The following SEMA3C variants were observed in gnomAD, a reference collection of about 807,000 sequenced individuals.
SEMA3C encodes the protein semaphorin 3C.
A neutral mutation model predicts 89.4 loss-of-function variants in SEMA3C; 47 were observed. The ratio of observed to expected loss-of-function variants is 0.53; its 90% confidence interval spans 0.42 to 0.67. SEMA3C has a LOEUF of 0.67. SEMA3C is among the 30% of genes least tolerant of loss of function. The pLI, the probability that SEMA3C is intolerant of heterozygous loss-of-function variation, is 0.00. For missense variants in SEMA3C, 839 were observed against 929.1 expected, an observed-to-expected ratio of 0.90 and a Z score of 1.26; for synonymous variants, 310 against 320.2, an observed-to-expected ratio of 0.97 and a Z score of 0.34.
At chr7:80,824,563 G>C (rs1257770045) in intron 4 of SEMA3C, among the ~76,000 whole-genome samples, 1 of 152,152 alleles carries the variant, frequency 6.6e-6, no homozygotes, top group Non-Finnish European at 1.5e-5. Context: ...AAGGTTAACA[G>C]AAGTTCTAAT....
chr7:80,914,231 T>C (rs1414805593), intron 2 of SEMA3C, among the ~76,000 whole-genome samples: 1 of 152,204 alleles, frequency 6.6e-6, no homozygotes, highest in Non-Finnish European at 1.5e-5. Flanking sequence ...TGTATTTAAA[T>C]ATATACTCTT....
chr7:80,746,607 A>C (rs1437064380), intron 17 of SEMA3C, among the ~76,000 whole-genome samples: 1 of 151,976 alleles, frequency 6.6e-6, no homozygotes, highest in African/African-American at 2.4e-5. Flanking sequence ...ACAAGAAATT[A>C]CCTAACAAAT....
intron 12 of SEMA3C, among the ~76,000 whole-genome samples, chr7:80,785,172 T>C (rs1419460789): frequency 2.6e-5 from 4 of 152,188 alleles, no homozygotes; most frequent in East Asian, 3.8e-4. Context: ...GATAATGGTA[T>C]TGGGCTAACT....
Position 80,751,335 on chromosome 7 carries a change from T to A in SEMA3C, c.1645A>T (p.Arg549Trp). ...CSRFYPTGKR[R>W]SRRQDVRHGN... is the part of the protein sequence containing the mutation. ...TGTCTCACATCTTGTCTTCGGCTCC[T>A]CCTGCAAGTGCAGAAATACATAAAA... Residue 549 changes from arginine to tryptophan, a missense_variant and splice_region_variant, in exon 16 of 18, where the codon AGG (arginine) becomes TGG (tryptophan). By Grantham distance (101) the Arg-to-Trp change is moderately radical. Transcript: ENST00000265361. 1 of 1,613,584 alleles carries A rather than the reference T, an allele frequency of 6.2e-7. No homozygotes were observed. The highest frequency in any genetic ancestry group is 8.5e-7 in the Non-Finnish European group (1 of 1,179,554).
At position 80,919,036 on chromosome 7, in the gene SEMA3C, T is replaced by C. The variant is rs1417769289; in HGVS notation, c.-247A>G. The C allele has an allele frequency of 8.1e-6, 8 of 985,186 alleles. No individual in the cohort carries two copies. The highest frequency in any genetic ancestry group is 9.6e-6 in the Non-Finnish European group (8 of 829,882). The allele number at this position is 985,186 out of a possible 1,614,324, so 61.0% of individuals were successfully genotyped here. A position where few individuals can be genotyped will look rare whatever the true frequency, so the allele number is the denominator to read the frequency against. The stretch of plus-strand genomic sequence containing the variant: ...CGGAGCTCTTCTCCGCGTCGCTCAA[T>C]CAAGCACCTCGGAGTGAATGGAAAG... On this transcript the variant is annotated 5_prime_UTR_variant, in exon 1 of 18. Coordinates refer to ENST00000265361, the MANE Select transcript of SEMA3C (RefSeq NM_006379.5).
chr7:80,809,326 G>C (rs17154474), intron 6 of SEMA3C, among the ~76,000 whole-genome samples: 2,127 of 152,138 alleles, frequency 0.014, 63 homozygotes, highest in Admixed American at 0.068. Context: ...CGTGCACTTT[G>C]TTCATCTTTC....
upstream of SEMA3C, chr7:80,919,066 C>G: frequency 1.0e-6 from 1 of 985,258 alleles, no homozygotes; most frequent in Non-Finnish European, 1.2e-6. Context: ...GGAAAGTGGC[C>G]GGAGGCCGGG....
intron 4 of SEMA3C, among the ~76,000 whole-genome samples, chr7:80,826,844 C>A (rs1206600350): frequency 1.3e-5 from 2 of 152,094 alleles, no homozygotes; most frequent in Admixed American, 6.6e-5. Flanking sequence ...TTGTAGAAAT[C>A]AATATAGATT....
At chr7:80,777,470 T>G (rs1788577434) in intron 12 of SEMA3C, among the ~76,000 whole-genome samples, 1 of 152,152 alleles carries the variant, frequency 6.6e-6, no homozygotes, top group Non-Finnish European at 1.5e-5. Flanking sequence ...TTTTGTATTT[T>G]TAGTAGAGAC....
chr7:80,875,352 T>C (rs1391586292), intron 2 of SEMA3C, among the ~76,000 whole-genome samples: 1 of 152,110 alleles, frequency 6.6e-6, no homozygotes, highest in African/African-American at 2.4e-5. Context: ...TTACTTCCAT[T>C]TGCTATATTA....
intron 2 of SEMA3C, among the ~76,000 whole-genome samples, chr7:80,877,303 A>G (rs1219045716): frequency 6.6e-6 from 1 of 152,164 alleles, no homozygotes; most frequent in African/African-American, 2.4e-5. Flanking sequence ...CATACTTTTA[A>G]CAAGTGCCCT....
At chr7:80,837,322 T>C (rs1790157025) in intron 2 of SEMA3C, among the ~76,000 whole-genome samples, 1 of 152,228 alleles carries the variant, frequency 6.6e-6, no homozygotes, top group Non-Finnish European at 1.5e-5. Flanking sequence ...TGAATTGAAA[T>C]ACCACTACTA....
chr7:80,919,209 G>C (rs1792354846), upstream of SEMA3C: 18 of 984,918 alleles, frequency 1.8e-5, no homozygotes, highest in Admixed American at 3.7e-4. Flanking sequence ...GCCCCACCCC[G>C]AGCGCGCCCG....
intron 2 of SEMA3C, among the ~76,000 whole-genome samples, chr7:80,900,872 C>G (rs1791863338): frequency 1.3e-5 from 2 of 152,238 alleles, no homozygotes; most frequent in South Asian, 4.1e-4. Flanking sequence ...GCTGAGATAA[C>G]AAAGAGAAAA....
intron 6 of SEMA3C, among the ~76,000 whole-genome samples, chr7:80,807,483 G>T (rs73372929): frequency 0.019 from 2,870 of 152,194 alleles, 82 homozygotes; most frequent in African/African-American, 0.054. Flanking sequence ...ATATCAATAA[G>T]AAATTTTTGA....
intron 2 of SEMA3C, among the ~76,000 whole-genome samples, chr7:80,897,656 T>TA (rs1233828017): frequency 2.6e-5 from 4 of 151,934 alleles, no homozygotes; most frequent in African/African-American, 7.3e-5. Flanking sequence ...AAAACATGCT[T>TA]AAAAAAAAGT....
chr7:80,860,062 T>C (rs1253929915), intron 2 of SEMA3C, among the ~76,000 whole-genome samples: 1 of 152,122 alleles, frequency 6.6e-6, no homozygotes, highest in Non-Finnish European at 1.5e-5. Flanking sequence ...TATTCAAATA[T>C]CTTAGTTCTT....
At chr7:80,809,990 C>T (rs1449645151) in intron 6 of SEMA3C, among the ~76,000 whole-genome samples, 1 of 151,936 alleles carries the variant, frequency 6.6e-6, no homozygotes, top group Non-Finnish European at 1.5e-5. Flanking sequence ...GATGTTTATC[C>T]AAGGAATCAG....
At chr7:80,824,345 T>C (rs552480201) in intron 4 of SEMA3C, among the ~76,000 whole-genome samples, 8 of 152,142 alleles carry the variant, frequency 5.3e-5, no homozygotes, top group Non-Finnish European at 1.0e-4. Context: ...CATCATCTAC[T>C]GTGTCCTACC....
Sources: gnomAD v4.1 joint callset for allele counts (sites outside exome capture counted in the v4.1 genomes callset) on GRCh38, gnomAD v4.1.1 for gene constraint, MANE v1.5 for transcripts, NCBI Gene and HGNC (gene_info 2026-07-23, HGNC 2026-07-21) for gene names.